VAV2: variants seen among roughly 807,000 people sequenced by gnomAD.
VAV2 encodes the protein guanine nucleotide exchange factor VAV2.
In VAV2, 67 loss-of-function variants were observed where a neutral mutation model predicts 132.5. The observed-to-expected ratio is 0.51, with a 90% CI of 0.42 to 0.62. VAV2 has a LOEUF of 0.62. Among genes scored for constraint, VAV2 ranks in the 20% least tolerant of loss-of-function variants. The probability of loss-of-function intolerance (pLI) is 0.00; values close to 1 mark genes in which losing one functional copy is unlikely to be tolerated. For synonymous variants in VAV2, 492 were observed against 443.5 expected (o/e 1.11, Z -1.37); for missense variants, 938 against 1,153.6 (o/e 0.81, Z 2.71).
rs538281903 is a variant in VAV2, at chr9:133,883,474, G to C, written c.322-22042C>G. ...CAGCTCAGCCACTTAAAAATTCGTC[G>C]GAACATGTTGAAACAATGAGGGGAT... On this transcript the variant is annotated intron_variant, in intron 2 of 29. Transcript: ENST00000371850. This position sits in a 1 kb window ranked among gnomAD's most constrained non-coding sequence, Gnocchi z 4.2. Among the ~76,000 whole-genome samples the C allele has an allele frequency of 6.6e-6, 1 of 152,068 alleles. No homozygotes were observed. The highest frequency in any genetic ancestry group is 2.4e-5 in the African/African-American group (1 of 41,376).
chr9:133,982,257 CA>C (rs1842718387), intron 1 of VAV2, among the ~76,000 whole-genome samples: 1 of 146,744 alleles, frequency 6.8e-6, no homozygotes, highest in Non-Finnish European at 1.5e-5. Context: ...GGAGACTCGG[CA>C]GGGGCGACGG....
intron 2 of VAV2, among the ~76,000 whole-genome samples, chr9:133,898,773 C>G (rs1234179731): frequency 2.0e-5 from 3 of 150,048 alleles, no homozygotes; most frequent in African/African-American, 7.4e-5. Flanking sequence ...CTGGTCAGAG[C>G]CACCACAGGC....
intron 1 of VAV2, among the ~76,000 whole-genome samples, chr9:133,939,648 A>T (rs1841063020): frequency 6.6e-6 from 1 of 152,246 alleles, no homozygotes; most frequent in Non-Finnish European, 1.5e-5. Context: ...GCCGACAGTC[A>T]CAGCTGGGGC....
intron 2 of VAV2, among the ~76,000 whole-genome samples, chr9:133,867,580 C>A (rs1022018535): frequency 6.6e-6 from 1 of 152,186 alleles, no homozygotes; most frequent in African/African-American, 2.4e-5. Context: ...CCAGCCACAC[C>A]CTCCTGGCCA....
chr9:133,789,965 G>C (rs1332373341), intron 13 of VAV2, among the ~76,000 whole-genome samples: 1 of 152,220 alleles, frequency 6.6e-6, no homozygotes, highest in Admixed American at 6.5e-5. Context: ...TGCCTGGGAG[G>C]TGCTCGAGGC....
rs1842382292 is a variant in VAV2, at chr9:133,972,770, G to A, written c.204+19305C>T. ...GCCCTCCTCCCACCCACTCCTGGAGGCGTCAGGCAGAAATGATGGCCCCAC... is the reference window on the plus strand; with the variant it reads ...GCCCTCCTCCCACCCACTCCTGGAGACGTCAGGCAGAAATGATGGCCCCAC... On this transcript the variant is annotated intron_variant, in intron 1 of 29. Coordinates refer to ENST00000371850, the MANE Select transcript of VAV2 (RefSeq NM_001134398.2). 2.6e-5 allele frequency among the ~76,000 whole-genome samples: 4 copies of A among 152,260 alleles called. No homozygotes were observed. The Middle Eastern group carries it at 0.014, about 518-fold the overall frequency.
intron 4 of VAV2, among the ~76,000 whole-genome samples, chr9:133,832,531 TG>T (rs1836302470): frequency 2.6e-5 from 4 of 152,118 alleles, no homozygotes; most frequent in Admixed American, 2.6e-4. Flanking sequence ...GAAGCCTGCA[TG>T]CTGGAGTGAG....
intron 23 of VAV2, among the ~76,000 whole-genome samples, chr9:133,776,684 G>A (rs1833825229): frequency 1.3e-5 from 2 of 152,196 alleles, no homozygotes; most frequent in South Asian, 4.1e-4. Flanking sequence ...CCTGCCGCCT[G>A]GTCCCCTTGG....
chr9:133,953,430 G>A (rs1049847742), intron 1 of VAV2, among the ~76,000 whole-genome samples: 1 of 152,234 alleles, frequency 6.6e-6, no homozygotes, highest in Non-Finnish European at 1.5e-5. Flanking sequence ...CTTTGTTCCC[G>A]TTCATGCCAG....
intron 3 of VAV2, among the ~76,000 whole-genome samples, chr9:133,848,336 T>C (rs1837031485): frequency 1.3e-5 from 2 of 148,894 alleles, no homozygotes; most frequent in African/African-American, 2.4e-5. Flanking sequence ...CGAAACAGTA[T>C]TTGAATTTTG....
intron 13 of VAV2, among the ~76,000 whole-genome samples, chr9:133,790,504 A>G (rs1324460043): frequency 3.3e-5 from 5 of 152,140 alleles, no homozygotes; most frequent in Admixed American, 2.6e-4. Context: ...AACAAGTATT[A>G]CTTCTATGTA....
chr9:133,818,119 C>T (rs533363508), intron 4 of VAV2, among the ~76,000 whole-genome samples: 1 of 152,258 alleles, frequency 6.6e-6, no homozygotes, highest in East Asian at 1.9e-4. Flanking sequence ...AATCTCAGCA[C>T]TTTGGGGGGC....
chr9:133,847,542 G>A (rs1836983455), intron 3 of VAV2, among the ~76,000 whole-genome samples: 3 of 152,164 alleles, frequency 2.0e-5, no homozygotes, highest in Non-Finnish European at 1.5e-5. Context: ...AGAACCGAAC[G>A]GGAAGAGCCC....
In VAV2 at chr9:133,823,772, A is replaced by G. The variant is rs1006083110; in HGVS notation, c.449+10500T>C. On this transcript the variant is annotated intron_variant, in intron 4 of 29. Transcript: ENST00000371850. The surrounding 1 kb of genome is among the most constrained non-coding windows in gnomAD (Gnocchi z 5.5). Reference sequence around the variant, plus strand: ...CAGAGACTGCATTAAATGAGACCAGAGAGTTGCTGTGACCGAATCAGTCCT... The same window carrying G: ...CAGAGACTGCATTAAATGAGACCAGGGAGTTGCTGTGACCGAATCAGTCCT... Among the ~76,000 whole-genome samples the G allele has an allele frequency of 7.9e-5, 12 of 152,162 alleles. No individual in the cohort carries two copies. The highest frequency in any genetic ancestry group is 2.9e-4 in the African/African-American group (12 of 41,432).
Position 133,907,609 on chromosome 9 carries a change from T to C in VAV2, c.321+31494A>G, listed in dbSNP as rs79064869. 7.9e-3 allele frequency among the ~76,000 whole-genome samples: 1,198 copies of C among 152,344 alleles called. 20 individuals are homozygous for C. The highest frequency in any genetic ancestry group is 0.027 in the African/African-American group (1,123 of 41,572). On this transcript the variant is annotated intron_variant, in intron 2 of 29. Coordinates refer to ENST00000371850, the MANE Select transcript of VAV2 (RefSeq NM_001134398.2). ...TTTAGGGGATGGGAGAAGGCCTCGCTGGAATCAAAACTGATTTATGGACTC... is the reference window on the plus strand; with the variant it reads ...TTTAGGGGATGGGAGAAGGCCTCGCCGGAATCAAAACTGATTTATGGACTC...
chr9:133,894,076 G>A (rs886295269), intron 2 of VAV2, among the ~76,000 whole-genome samples: 4 of 152,274 alleles, frequency 2.6e-5, no homozygotes, highest in East Asian at 1.9e-4. Context: ...CCCACTCCCC[G>A]CCTCCACTGC....
At chr9:133,882,330 T>C (rs952122845) in intron 2 of VAV2, among the ~76,000 whole-genome samples, 1 of 152,240 alleles carries the variant, frequency 6.6e-6, no homozygotes, top group African/African-American at 2.4e-5. Context: ...GCGGCCCTGC[T>C]GTGCCTGGCC....
Position 133,903,078 on chromosome 9 carries a change from GA to G in VAV2, c.321+36024del, listed in dbSNP as rs61131449. Among the ~76,000 whole-genome samples, 919 of 105,310 alleles carry G rather than the reference GA, an allele frequency of 8.7e-3. 7 individuals carry two copies. Among genetic ancestry groups the G allele is most frequent in the African/African-American group, 0.013 (370 of 28,710 alleles). The allele number at this position is 105,310 out of a possible 152,430, so 69.1% of individuals were successfully genotyped here. ...CAACAAGAGCGAAACCCTGCCCCAG[GA>G]AAAAAAAAAAAAAAAAAGAGGTAGT... On this transcript the variant is annotated intron_variant, in intron 2 of 29. Transcript: ENST00000371850.
At chr9:133,948,523 G>A (rs549185143) in intron 1 of VAV2, among the ~76,000 whole-genome samples, 1 of 152,290 alleles carries the variant, frequency 6.6e-6, no homozygotes, top group East Asian at 1.9e-4. Flanking sequence ...CAGCAGGGCA[G>A]GCGGCCCGCG....
Sources: gnomAD v4.1 joint callset for allele counts (sites outside exome capture counted in the v4.1 genomes callset) on GRCh38, gnomAD v4.1.1 for gene constraint, Gnocchi (gnomAD v3.1) non-coding constraint, MANE v1.5 for transcripts, NCBI Gene and HGNC (gene_info 2026-07-23, HGNC 2026-07-21) for gene names.